The following HSD17B12 variants were observed in gnomAD, a reference collection of about 807,000 sequenced individuals.
HSD17B12 encodes the protein hydroxysteroid 17-beta dehydrogenase 12, also known as very-long-chain 3-oxoacyl-CoA reductase.
Under a neutral mutation model 39.3 loss-of-function variants are expected in HSD17B12, and 32 were observed. That is an observed-to-expected ratio of 0.81 (90% CI 0.61 to 1.09). The LOEUF (loss-of-function observed/expected upper bound fraction) is 1.09. Ranked by LOEUF, HSD17B12 falls within the 50% of genes least tolerant of loss-of-function variation. HSD17B12 has a pLI of 0.00. For missense variants in HSD17B12, 342 were observed against 382.9 expected (o/e 0.89, Z 0.89); for synonymous variants, 150 against 146.7 (o/e 1.02, Z -0.16).
the HSD17B12 span, among the ~76,000 whole-genome samples, chr11:43,571,447 C>T: frequency 3.3e-5 from 5 of 152,154 alleles, 1 homozygote; most frequent in Non-Finnish European, 7.3e-5. Flanking sequence ...CACCATGAAA[C>T]CAACTCTAGG....
At chr11:43,668,191 TAA>T in the HSD17B12 span, among the ~76,000 whole-genome samples, 1 of 152,374 alleles carries the variant, frequency 6.6e-6, no homozygotes, top group East Asian at 1.9e-4. Context: ...CTCACTGGGC[TAA>T]AGTCACTGCA....
At chr11:43,794,729 C>A (rs1013274810) in intron 3 of HSD17B12, among the ~76,000 whole-genome samples, 1 of 152,204 alleles carries the variant, frequency 6.6e-6, no homozygotes. Context: ...GATACTCCCA[C>A]AATTAGGGCA....
chr11:43,599,321 C>A, the HSD17B12 span, among the ~76,000 whole-genome samples: 1 of 152,102 alleles, frequency 6.6e-6, no homozygotes, highest in Admixed American at 6.5e-5. Context: ...CCTATGCGAC[C>A]CTTAGGACTT....
intron 9 of HSD17B12, among the ~76,000 whole-genome samples, chr11:43,845,086 C>T (rs1285873963): frequency 6.6e-6 from 1 of 152,178 alleles, no homozygotes; most frequent in Non-Finnish European, 1.5e-5. Context: ...CTTGACCTCC[C>T]AGGCTCAAGT....
At chr11:43,832,644 T>C (rs544255603) in intron 7 of HSD17B12, among the ~76,000 whole-genome samples, 1 of 152,306 alleles carries the variant, frequency 6.6e-6, no homozygotes, top group Non-Finnish European at 1.5e-5. Context: ...GAGCATTACA[T>C]AAAGGCAATG....
intron 3 of HSD17B12, among the ~76,000 whole-genome samples, chr11:43,786,313 T>C (rs1415780623): frequency 6.6e-6 from 1 of 152,222 alleles, no homozygotes; most frequent in African/African-American, 2.4e-5. Flanking sequence ...TGTACTCAAA[T>C]AGAGGTTTAA....
At chr11:43,563,609 G>A in the HSD17B12 span, among the ~76,000 whole-genome samples, 1 of 152,202 alleles carries the variant, frequency 6.6e-6, no homozygotes, top group Non-Finnish European at 1.5e-5. Flanking sequence ...GAGCCCAGGA[G>A]TTCGAGACCA....
the HSD17B12 span, among the ~76,000 whole-genome samples, chr11:43,557,208 C>T: frequency 6.6e-6 from 1 of 152,074 alleles, no homozygotes; most frequent in East Asian, 1.9e-4. Context: ...TAGGGGACGC[C>T]GTCTTGGCTT....
chr11:43,704,885 A>G (rs1319379857), intron 1 of HSD17B12, among the ~76,000 whole-genome samples: 1 of 152,182 alleles, frequency 6.6e-6, no homozygotes, highest in Non-Finnish European at 1.5e-5. Flanking sequence ...AGCTTCTGGG[A>G]TCTTGATGCT....
At chr11:43,683,501 T>G (rs1949771140) in intron 1 of HSD17B12, among the ~76,000 whole-genome samples, 1 of 152,200 alleles carries the variant, frequency 6.6e-6, no homozygotes, top group Admixed American at 6.5e-5. Flanking sequence ...CAGCTCATCT[T>G]AAACAGGTTC....
At chr11:43,589,466 C>A in the HSD17B12 span, among the ~76,000 whole-genome samples, 1 of 152,134 alleles carries the variant, frequency 6.6e-6, no homozygotes, top group East Asian at 1.9e-4. Context: ...TGAGGCCATT[C>A]CAAAGAGAAG....
At chr11:43,624,200 T>G in the HSD17B12 span, among the ~76,000 whole-genome samples, 4 of 151,912 alleles carry the variant, frequency 2.6e-5, no homozygotes, top group African/African-American at 9.7e-5. Flanking sequence ...AGGGAGAAAA[T>G]TCATGAACTT....
At chr11:43,734,099 T>G (rs1950294348) in intron 1 of HSD17B12, 2 of 1,139,048 alleles carry the variant, frequency 1.8e-6, no homozygotes, top group Admixed American at 3.5e-5. Context: ...AGGACTATGA[T>G]GAGCGTGTGC....
chr11:43,718,469 A>G (rs1176818632), intron 1 of HSD17B12, among the ~76,000 whole-genome samples: 1 of 152,194 alleles, frequency 6.6e-6, no homozygotes, highest in African/African-American at 2.4e-5. Context: ...GTGAATGAAA[A>G]TATAAGTTAC....
chr11:43,738,561 G>T (rs1197468317), intron 1 of HSD17B12, among the ~76,000 whole-genome samples: 1 of 152,226 alleles, frequency 6.6e-6, no homozygotes, highest in East Asian at 1.9e-4. Flanking sequence ...AGGCTGAAGA[G>T]TGTAGGGGTT....
the HSD17B12 span, among the ~76,000 whole-genome samples, chr11:43,577,546 A>T: frequency 6.6e-6 from 1 of 152,096 alleles, no homozygotes; most frequent in African/African-American, 2.4e-5. Flanking sequence ...CTCCTCGGTG[A>T]TGGTGACTCA....
chr11:43,712,579 A>C (rs1055284139), intron 1 of HSD17B12, among the ~76,000 whole-genome samples: 1 of 152,082 alleles, frequency 6.6e-6, no homozygotes, highest in African/African-American at 2.4e-5. Flanking sequence ...CCCTGCACTG[A>C]GTTTTCCTGC....
the HSD17B12 span, among the ~76,000 whole-genome samples, chr11:43,621,816 C>T: frequency 6.6e-6 from 1 of 152,138 alleles, no homozygotes; most frequent in Non-Finnish European, 1.5e-5. Flanking sequence ...TCTTTTTTCC[C>T]AAATTACAAG....
rs764115526 is a variant in HSD17B12, at chr11:43,854,798, G to A, written c.768G>A (p.Val256=). 1 of 1,614,202 alleles carries A rather than the reference G, an allele frequency of 6.2e-7. No homozygotes were observed. Among genetic ancestry groups the A allele is most frequent in the Non-Finnish European group, 8.5e-7 (1 of 1,180,024 alleles). The change falls in exon 10 of 11, where the codon GTG becomes GTA. Residue 256 remains valine (V), a synonymous_variant. Transcript: ENST00000278353. ...TLDKPSPETF[V]KSAIKTVGLQ... ...ATAAGCCCTCTCCGGAGACGTTTGT[G>A]AAGTCTGCAATTAAAACAGTCGGCC...
Sources: allele counts gnomAD v4.1 joint callset (sites outside exome capture counted in the v4.1 genomes callset), GRCh38; gene constraint gnomAD v4.1.1; transcripts MANE v1.5; gene names NCBI Gene and HGNC (gene_info 2026-07-23, HGNC 2026-07-21).